The following MBD5 variants were observed in gnomAD, a reference collection of about 807,000 sequenced individuals.
MBD5 encodes the protein methyl-CpG-binding domain protein 5.
Under a neutral mutation model 117.3 loss-of-function variants are expected in MBD5, and 13 were observed. The observed-to-expected ratio is 0.11, with a 90% CI of 0.07 to 0.18. The LOEUF (loss-of-function observed/expected upper bound fraction) is 0.18. Ranked by LOEUF, MBD5 falls within the 10% of genes least tolerant of loss-of-function variation. The pLI is 1.00. For synonymous variants in MBD5, 727 were observed against 766.4 expected, an observed-to-expected ratio of 0.95 and a Z score of 0.85; for missense variants, 1,879 against 2,093.8, an observed-to-expected ratio of 0.90 and a Z score of 2.00.
intron 2 of MBD5, among the ~76,000 whole-genome samples, chr2:148,206,104 C>A (rs1372842427): frequency 2.0e-5 from 3 of 146,882 alleles, no homozygotes; most frequent in East Asian, 4.0e-4. Flanking sequence ...ACTTGTGCAA[C>A]AAGAGTGAGA....
chr2:148,420,210 T>C (rs1705557646), intron 4 of MBD5, among the ~76,000 whole-genome samples: 1 of 152,162 alleles, frequency 6.6e-6, no homozygotes. Flanking sequence ...TGCCAGACTT[T>C]TCATCTTGCT....
In MBD5 at chr2:148,468,799, C is replaced by A. The variant is rs955073218; in HGVS notation, c.856C>A (p.Gln286Lys). The A allele has an allele frequency of 6.2e-7, 1 of 1,613,754 alleles. No homozygotes were observed. Among genetic ancestry groups the A allele is most frequent in the Non-Finnish European group, 8.5e-7 (1 of 1,179,722 alleles). Residue 286 changes from glutamine (Q) to lysine (K), a missense_variant, in exon 8 of 14, where the codon CAG (glutamine) becomes AAG (lysine). Gln to Lys is a moderately conservative substitution (Grantham distance 53). Coordinates refer to ENST00000642680, the MANE Select transcript of MBD5 (RefSeq NM_001378120.1). ...AGTAATGCTACATGGTTCTCCTGTA[C>A]AGTCATCCTGTGCAATGGCTGGAAG... ...PSVMLHGSPV[Q>K]SSCAMAGRTN...
intron 6 of MBD5, among the ~76,000 whole-genome samples, chr2:148,462,981 A>G (rs184258147): frequency 5.3e-5 from 8 of 152,170 alleles, no homozygotes; most frequent in African/African-American, 1.7e-4. Flanking sequence ...TAATAGTGCA[A>G]TATTTTCTCT....
chr2:148,199,799 A>T (rs1699091518), intron 2 of MBD5, among the ~76,000 whole-genome samples: 1 of 152,080 alleles, frequency 6.6e-6, no homozygotes, highest in Admixed American at 6.6e-5. Flanking sequence ...TATAAATGTC[A>T]TGGATTTCTT....
Position 148,490,460 on chromosome 2 carries a change from C to T in MBD5, c.4828C>T (p.His1610Tyr), listed in dbSNP as rs1439633862. The change falls in exon 11 of 14, where the codon CAT (histidine) becomes TAT (tyrosine). Residue 1610 changes from histidine to tyrosine, a missense_variant. This residue lies in a region of MBD5 where 135 missense variants were observed against 148.0 expected (regional missense o/e 0.91). Transcript: ENST00000642680. ...PDSPSSNELI[H>Y]YRPRTFNVGD... ...CTCCCCCTCTTCAAATGAATTGATA[C>T]ATTATAGACCAAGGACGTTCAATGT... 1.9e-6 allele frequency: 3 copies of T among 1,614,068 alleles called. No homozygotes were observed. Among genetic ancestry groups the T allele is most frequent in the Non-Finnish European group, 2.5e-6 (3 of 1,180,046 alleles).
chr2:148,210,974 A>G (rs771808952), intron 2 of MBD5, among the ~76,000 whole-genome samples: 31 of 152,208 alleles, frequency 2.0e-4, no homozygotes, highest in Non-Finnish European at 3.8e-4. Flanking sequence ...CAATCTGCTG[A>G]AGTAAATTTT....
intron 4 of MBD5, among the ~76,000 whole-genome samples, chr2:148,384,123 G>A (rs1704259185): frequency 6.6e-6 from 1 of 152,006 alleles, no homozygotes; most frequent in African/African-American, 2.4e-5. Context: ...CAATCAGGCA[G>A]GAGAAGGAAA....
At chr2:148,032,135 T>G (rs1173333318) in intron 1 of MBD5, among the ~76,000 whole-genome samples, 1 of 152,158 alleles carries the variant, frequency 6.6e-6, no homozygotes, top group East Asian at 1.9e-4. Flanking sequence ...TATTGTTGAC[T>G]CAGTGTTTAT....
intron 4 of MBD5, among the ~76,000 whole-genome samples, chr2:148,344,071 G>A (rs1448637845): frequency 6.6e-6 from 1 of 151,998 alleles, no homozygotes; most frequent in Non-Finnish European, 1.5e-5. Context: ...TGAATAGGGA[G>A]TCCTTTCCCC....
intron 2 of MBD5, chr2:148,220,129 G>A (rs1156417770): frequency 6.6e-6 from 1 of 151,990 alleles, no homozygotes; most frequent in Non-Finnish European, 1.5e-5. Flanking sequence ...CAGACCAGGT[G>A]TTTTTTCCTG....
chr2:148,401,208 G>C (rs1434952854), intron 4 of MBD5, among the ~76,000 whole-genome samples: 1 of 152,106 alleles, frequency 6.6e-6, no homozygotes, highest in Non-Finnish European at 1.5e-5. Flanking sequence ...TCTTGATGAA[G>C]CCAAGCTTGC....
rs146715943 is a variant in MBD5 at position 148,448,330 on chromosome 2, C to T, written c.-556-9873C>T. Among the ~76,000 whole-genome samples, 91 of 152,038 alleles carry T rather than the reference C, an allele frequency of 6.0e-4. 3 individuals carry two copies. In the East Asian group the frequency reaches 0.015, roughly 25 times the overall value. ...CGATACTTTATTAGACTGTAGTTAT[C>T]TTGAACATTTAATTATATTTGCTGG... On this transcript the variant is annotated intron_variant, in intron 4 of 13. Transcript: ENST00000642680.
intron 4 of MBD5, among the ~76,000 whole-genome samples, chr2:148,410,503 C>T (rs553826169): frequency 1.6e-4 from 25 of 152,234 alleles, no homozygotes; most frequent in Non-Finnish European, 2.2e-4. Flanking sequence ...GATGTCAGCT[C>T]GCCACAGCCT....
At chr2:148,161,722 G>T (rs1024406076) in intron 1 of MBD5, among the ~76,000 whole-genome samples, 1 of 152,142 alleles carries the variant, frequency 6.6e-6, no homozygotes, top group Non-Finnish European at 1.5e-5. Context: ...TTTCTTGAAA[G>T]AGTCAGAGCA....
At chr2:148,136,040 A>G (rs1697164154) in intron 1 of MBD5, among the ~76,000 whole-genome samples, 2 of 152,164 alleles carry the variant, frequency 1.3e-5, no homozygotes, top group South Asian at 2.1e-4. Context: ...GGCCTTGCAC[A>G]TGTTATAAAC....
intron 11 of MBD5, among the ~76,000 whole-genome samples, chr2:148,492,938 G>A (rs1448839406): frequency 6.6e-6 from 1 of 152,010 alleles, no homozygotes; most frequent in African/African-American, 2.4e-5. Context: ...AACCAATTTT[G>A]ATGTAATTTT....
intron 1 of MBD5, among the ~76,000 whole-genome samples, chr2:148,155,764 G>A (rs1417493303): frequency 1.3e-5 from 2 of 152,148 alleles, no homozygotes; most frequent in African/African-American, 2.4e-5. Context: ...AATGATCATT[G>A]CCCTTAGAAA....
intron 1 of MBD5, among the ~76,000 whole-genome samples, chr2:148,045,259 G>C (rs77174782): frequency 4.6e-4 from 70 of 152,270 alleles, no homozygotes; most frequent in African/African-American, 1.7e-3. Context: ...CCGTTTTACA[G>C]ATGAGAAAGC....
At chr2:148,446,008 G>A (rs1706497744) in intron 4 of MBD5, among the ~76,000 whole-genome samples, 1 of 150,972 alleles carries the variant, frequency 6.6e-6, no homozygotes, top group African/African-American at 2.5e-5. Flanking sequence ...ATTTGTTTGA[G>A]TTCATTGTAG....
Sources: allele counts gnomAD v4.1 joint callset (sites outside exome capture counted in the v4.1 genomes callset), GRCh38; gene constraint gnomAD v4.1.1; regional missense constraint gnomAD v4.1.1; transcripts MANE v1.5; gene names NCBI Gene and HGNC (gene_info 2026-07-23, HGNC 2026-07-21).